Variants in VPS13C observed in about 807,000 individuals in gnomAD.
VPS13C encodes the protein vacuolar protein sorting 13 homolog C.
In VPS13C, 358 loss-of-function variants were observed where a neutral mutation model predicts 456.8. The observed-to-expected ratio is 0.78, with a 90% CI of 0.72 to 0.86. VPS13C has a LOEUF of 0.86. VPS13C is among the 40% of genes least tolerant of loss of function. The pLI is 0.00. For missense variants in VPS13C, 4,818 were observed against 4,385.4 expected (o/e 1.10, Z -2.79); for synonymous variants, 1,578 against 1,486.7 (o/e 1.06, Z -1.41).
intron 1 of VPS13C, among the ~76,000 whole-genome samples, chr15:62,053,612 A>G (rs920977627): frequency 6.6e-6 from 1 of 152,234 alleles, no homozygotes; most frequent in Non-Finnish European, 1.5e-5. Context: ...AAGTTTAAAG[A>G]CAGAAGAGAT....
chr15:61,935,622 C>T (rs902899375), intron 48 of VPS13C: 3 of 152,182 alleles, frequency 2.0e-5, no homozygotes, highest in Non-Finnish European at 4.4e-5. Context: ...CTAACTATAA[C>T]AACAGCCTTT....
Position 62,035,148 on chromosome 15 carries a change from C to A in VPS13C, c.188-96G>T, listed in dbSNP as rs1013200281. 1.4e-5 allele frequency: 11 copies of A among 780,776 alleles called. No individual in the cohort carries two copies. In the African/African-American group the frequency reaches 1.8e-4, roughly 12 times the overall value. The allele number at this position is 780,776 out of a possible 1,614,324, so 48.4% of individuals were successfully genotyped here. A position where few individuals can be genotyped will look rare whatever the true frequency, so the allele number is the denominator to read the frequency against. ...ATTAAGCGAAAAAGCATAAAAAACT[C>A]TTCATGGTATGTACATCACTCAGAA... On this transcript the variant is annotated intron_variant, in intron 3 of 84. Coordinates refer to ENST00000644861, the MANE Select transcript of VPS13C (RefSeq NM_020821.3).
At position 62,007,535 on chromosome 15, in the gene VPS13C, G is replaced by T. The variant is rs575799405; in HGVS notation, c.1119-56C>A. On this transcript the variant is annotated intron_variant, in intron 14 of 84. Coordinates refer to ENST00000644861, the MANE Select transcript of VPS13C (RefSeq NM_020821.3). ...TAATATAAAGGTTTAAGAGAAAACA[G>T]GAAAAGTCTTGACATTTTAGATCTT... 3 of 1,404,914 alleles carry T rather than the reference G, an allele frequency of 2.1e-6. No individual in the cohort carries two copies. In the African/African-American group the frequency reaches 4.4e-5, roughly 20 times the overall value. The allele number at this position is 1,404,914 out of a possible 1,614,324, so 87.0% of individuals were successfully genotyped here. A position where few individuals can be genotyped will look rare whatever the true frequency, so the allele number is the denominator to read the frequency against.
rs2043623284 is a variant in VPS13C at position 61,920,622 on chromosome 15, T to G, written c.7088A>C (p.Lys2363Thr). Reference sequence around the variant, plus strand: ...AAAATCATCTCCTGGCAGCAAACTTTTATCCTGAACTGGGTTCTTCTTTAC... The same window carrying G: ...AAAATCATCTCCTGGCAGCAAACTTGTATCCTGAACTGGGTTCTTCTTTAC... ...LDVKKNPVQD[K>T]SLLPGDDFIP... Residue 2363 changes from lysine (K) to threonine (T), a missense_variant, in exon 56 of 85, where the codon AAA becomes ACA. By Grantham distance (78) the Lys-to-Thr change is moderately conservative (BLOSUM62 -1). This residue lies in a region of VPS13C where 4,552 missense variants were observed against 4,130.6 expected (regional missense o/e 1.10). Transcript: ENST00000644861. The G allele has an allele frequency of 1.9e-6, 3 of 1,585,376 alleles. No homozygotes were observed. The highest frequency in any genetic ancestry group is 2.6e-6 in the Non-Finnish European group (3 of 1,172,516).
chr15:62,015,235 T>C (rs1252811839), intron 9 of VPS13C, among the ~76,000 whole-genome samples: 2 of 152,180 alleles, frequency 1.3e-5, no homozygotes, highest in African/African-American at 2.4e-5. Flanking sequence ...CTTGTTTTTG[T>C]CGAAAGCTAC....
intron 76 of VPS13C, among the ~76,000 whole-genome samples, 156 bp downstream of exon 76, chr15:61,875,576 T>C (rs1566962029): frequency 6.6e-6 from 1 of 152,096 alleles, no homozygotes; most frequent in Non-Finnish European, 1.5e-5. Context: ...TGTTATCTCA[T>C]GTACCTTTAA....
intron 16 of VPS13C, among the ~76,000 whole-genome samples, chr15:61,994,167 C>T (rs1368755271): frequency 6.6e-6 from 1 of 152,092 alleles, no homozygotes; most frequent in Non-Finnish European, 1.5e-5. Context: ...CTTTCCATTA[C>T]AATGAAAAAA....
chr15:61,965,879 G>A (rs1031763334), intron 30 of VPS13C, among the ~76,000 whole-genome samples: 3 of 151,764 alleles, frequency 2.0e-5, no homozygotes, highest in Non-Finnish European at 4.4e-5. Flanking sequence ...TTTTAAGGAC[G>A]CTAGGATGTG....
At chr15:61,873,155 C>G in intron 78 of VPS13C, 91 bp downstream of exon 78, 1 of 1,560,238 alleles carries the variant, frequency 6.4e-7, no homozygotes, top group Non-Finnish European at 8.7e-7. Flanking sequence ...CAGGCCTAGA[C>G]TCATAAGCAG....
chr15:61,880,887 C>A lies in VPS13C; in HGVS notation c.9844G>T (p.Ala3282Ser), dbSNP rs1387627362. ...IDQGFLGAII[A>S]LFTPTTDPEA... ...GGGTCTGTTGTTGGGGTAAACAGTG[C>A]AATAATAGCTCCTAGAAACCCTTGA... is the stretch of plus-strand genomic sequence containing the variant. Residue 3282 changes from alanine to serine, a missense_variant, in exon 72 of 85, where the codon GCA becomes TCA. By Grantham distance (99) the Ala-to-Ser change is moderately conservative. Around this residue, in one of 3 missense-constraint regions of VPS13C, gnomAD observed 4,552 missense variants for 4,130.6 expected, o/e 1.10. Transcript: ENST00000644861. The A allele has an allele frequency of 6.2e-7, 1 of 1,610,444 alleles. No homozygotes were observed. Among genetic ancestry groups the A allele is most frequent in the Non-Finnish European group, 8.5e-7 (1 of 1,178,516 alleles).
In VPS13C at chr15:61,950,363, GTC is replaced by G; in HGVS notation, c.4589_4590del (p.Arg1530ThrfsTer32). ...GCAAATTATAAAAGTTTTACCTTCA[GTC>G]TCTGTTTGGTACTGTCATGAATAGT... is the stretch of plus-strand genomic sequence containing the variant. The part of the protein sequence containing the change: ...FKTIHDSTKQ[R>X]LKVSFASLDL... On this transcript the variant is annotated frameshift_variant, in exon 41 of 85. Coordinates refer to ENST00000644861, the MANE Select transcript of VPS13C (RefSeq NM_020821.3). LOFTEE classifies it high-confidence loss of function. The G allele has an allele frequency of 6.2e-7, 1 of 1,610,876 alleles. No homozygotes were observed. Among genetic ancestry groups the G allele is most frequent in the Non-Finnish European group, 8.5e-7 (1 of 1,177,736 alleles).
At chr15:62,037,267 T>TTATATATAAA (rs1567136523) in intron 3 of VPS13C, among the ~76,000 whole-genome samples, 57 of 21,708 alleles carry the variant, frequency 2.6e-3, no homozygotes, top group African/African-American at 9.8e-3. Flanking sequence ...ATATATTATA[T>TTATATATAAA]TATATAATAT....
rs35315460 is a variant in VPS13C at position 62,048,256 on chromosome 15, AC to A, written c.101-4002del. ...ATCTCCTAATGCTATCCCTCCCCCC[AC>A]CCCCCCCAACAGGCCCCTGTGTGTG... On this transcript the variant is annotated intron_variant, in intron 1 of 84. Transcript: ENST00000644861. Among the ~76,000 whole-genome samples, 215 of 35,916 alleles carry A rather than the reference AC, an allele frequency of 6.0e-3. 2 individuals carry two copies. Among genetic ancestry groups the A allele is most frequent in the African/African-American group, 0.023 (210 of 9,070 alleles). 23.6% of individuals were successfully genotyped at this position (35,916 alleles called of 152,430 possible).
At chr15:61,875,666 T>C (rs1784102618) in intron 76 of VPS13C, 66 bp downstream of exon 76, 2 of 1,094,262 alleles carry the variant, frequency 1.8e-6, no homozygotes, top group Admixed American at 2.1e-5. Flanking sequence ...AAATTACTAT[T>C]TGTTATTAAA....
intron 47 of VPS13C, among the ~76,000 whole-genome samples, chr15:61,937,874 C>T (rs933438682): frequency 2.6e-5 from 4 of 152,192 alleles, no homozygotes; most frequent in South Asian, 2.1e-4. Flanking sequence ...TAAACCAGTA[C>T]TGTCTTTGAA....
At position 61,867,564 on chromosome 15, in the gene VPS13C, G is replaced by C; in HGVS notation, c.10863+1095C>G. The stretch of plus-strand genomic sequence containing the variant: ...AACATATTAATTGGACATAATAATT[G>C]TCCTGTTTTTCAATTTTACCTGAAA... On this transcript the variant is annotated intron_variant, in intron 81 of 84. Coordinates refer to ENST00000644861, the MANE Select transcript of VPS13C (RefSeq NM_020821.3). This position sits in a 1 kb window ranked among gnomAD's most constrained non-coding sequence, Gnocchi z 5.0. 1 of 1,018,572 alleles carries C rather than the reference G, an allele frequency of 9.8e-7. No individual in the cohort carries two copies. The highest frequency in any genetic ancestry group is 1.2e-6 in the Non-Finnish European group (1 of 852,592). 63.1% of individuals were successfully genotyped at this position (1,018,572 alleles called of 1,614,324 possible). A position where few individuals can be genotyped will look rare whatever the true frequency, so the allele number is the denominator to read the frequency against.
intron 16 of VPS13C, among the ~76,000 whole-genome samples, chr15:61,995,464 T>C (rs1206773321): frequency 6.6e-6 from 1 of 152,142 alleles, no homozygotes; most frequent in Non-Finnish European, 1.5e-5. Flanking sequence ...AACAATAAAG[T>C]ATGGCAAAGG....
chr15:61,941,437 C>T (rs996378270), intron 46 of VPS13C, among the ~76,000 whole-genome samples: 2 of 151,042 alleles, frequency 1.3e-5, no homozygotes, highest in African/African-American at 4.9e-5. Flanking sequence ...TTTTTTCCCA[C>T]CAAAAATAAA....
rs142776376 is a variant in VPS13C, at chr15:61,854,914, C to T, written c.11117G>A (p.Gly3706Asp). 2 of 1,613,392 alleles carry T rather than the reference C, an allele frequency of 1.2e-6. No individual in the cohort carries two copies. Among genetic ancestry groups the T allele is most frequent in the African/African-American group, 2.7e-5 (2 of 74,976 alleles). Residue 3706 changes from glycine (G) to aspartate (D), a missense_variant, in exon 84 of 85, where the codon GGC becomes GAC. Coordinates refer to ENST00000644861, the MANE Select transcript of VPS13C (RefSeq NM_020821.3). Reference sequence around the variant, plus strand: ...CTTCAGGTAAACTTTTCGAACACAGCCTTGATTGGCACTGTCTTTTTTGTG... The same window carrying T: ...CTTCAGGTAAACTTTTCGAACACAGTCTTGATTGGCACTGTCTTTTTTGTG... ...LFHKKDSANQ[G>D]CVRKVYLKDT...
Sources: allele counts gnomAD v4.1 joint callset (sites outside exome capture counted in the v4.1 genomes callset), GRCh38; gene constraint gnomAD v4.1.1; regional missense constraint gnomAD v4.1.1; non-coding constraint Gnocchi (gnomAD v3.1); transcripts MANE v1.5; gene names NCBI Gene and HGNC (gene_info 2026-07-23, HGNC 2026-07-21).